Variants in EPB41L4B observed in about 807,000 individuals in gnomAD.
The protein encoded by EPB41L4B is band 4.1-like protein 4B.
A neutral mutation model predicts 112.5 loss-of-function variants in EPB41L4B; 30 were observed. The ratio of observed to expected loss-of-function variants is 0.27; its 90% confidence interval spans 0.20 to 0.36. The LOEUF (loss-of-function observed/expected upper bound fraction) is 0.36, where lower values mean the gene tolerates loss of function less well. Ranked by LOEUF, EPB41L4B falls within the 10% of genes least tolerant of loss-of-function variation. EPB41L4B has a pLI of 1.00. For missense variants in EPB41L4B, 1,024 were observed against 1,133.3 expected (o/e 0.90, Z 1.38); for synonymous variants, 408 against 439.7 (o/e 0.93, Z 0.90).
intron 15 of EPB41L4B, among the ~76,000 whole-genome samples, chr9:109,218,821 C>G (rs527282332): frequency 6.6e-6 from 1 of 152,162 alleles, no homozygotes; most frequent in Non-Finnish European, 1.5e-5. Context: ...GATAAAGATC[C>G]CTTCCTCTTA....
chr9:109,224,086 G>T (rs1833683238), intron 15 of EPB41L4B, among the ~76,000 whole-genome samples: 1 of 152,066 alleles, frequency 6.6e-6, no homozygotes, highest in Non-Finnish European at 1.5e-5. Flanking sequence ...CCTATACACT[G>T]CTGGAGAAAA....
At chr9:109,260,495 A>G (rs1264251628) in intron 6 of EPB41L4B, among the ~76,000 whole-genome samples, 1 of 146,764 alleles carries the variant, frequency 6.8e-6, no homozygotes, top group Non-Finnish European at 1.5e-5. Flanking sequence ...GCTCACTGCA[A>G]CCTCCGCCTC....
intron 15 of EPB41L4B, among the ~76,000 whole-genome samples, chr9:109,229,919 C>T (rs1833900217): frequency 6.6e-6 from 1 of 152,174 alleles, no homozygotes; most frequent in Non-Finnish European, 1.5e-5. Context: ...AGCCCTGCCA[C>T]TAGTCCATAC....
chr9:109,257,123 G>A (rs1269749126), intron 7 of EPB41L4B, among the ~76,000 whole-genome samples: 1 of 152,172 alleles, frequency 6.6e-6, no homozygotes, highest in African/African-American at 2.4e-5. Flanking sequence ...TGCCATACCC[G>A]CAGACATTTA....
At chr9:109,251,553 T>G (rs762366952) in intron 12 of EPB41L4B, 42 bp from the exon 13 acceptor site, 3 of 1,592,718 alleles carry the variant, frequency 1.9e-6, no homozygotes, top group Non-Finnish European at 2.6e-6. Flanking sequence ...TTAGAGAACT[T>G]TATCGCTTTC....
intron 1 of EPB41L4B, among the ~76,000 whole-genome samples, chr9:109,295,354 C>A (rs1364801161): frequency 6.6e-6 from 1 of 152,144 alleles, no homozygotes; most frequent in African/African-American, 2.4e-5. Context: ...CTGAGGGATA[C>A]AGGATTGATT....
intron 21 of EPB41L4B, among the ~76,000 whole-genome samples, chr9:109,192,614 T>C (rs1184113633): frequency 6.6e-6 from 1 of 152,184 alleles, no homozygotes; most frequent in African/African-American, 2.4e-5. Flanking sequence ...GTGCTCTTAG[T>C]GCTTTTCTAC....
chr9:109,297,981 T>A (rs1836802882), intron 1 of EPB41L4B, among the ~76,000 whole-genome samples: 2 of 152,182 alleles, frequency 1.3e-5, no homozygotes, highest in Admixed American at 1.3e-4. Context: ...TATCCATTCA[T>A]CTGATGGAGG....
At chr9:109,318,150 CGTGTGT>C (rs3983533) in intron 1 of EPB41L4B, among the ~76,000 whole-genome samples, 1,808 of 149,562 alleles carry the variant, frequency 0.012, 18 homozygotes, top group Non-Finnish European at 0.016. Flanking sequence ...GGGGCATATA[CGTGTGT>C]GTGTGTGTGT....
chr9:109,239,832 A>G, intron 15 of EPB41L4B: 3 of 985,468 alleles, frequency 3.0e-6, no homozygotes, highest in Non-Finnish European at 3.6e-6. Context: ...GAAGAGCACA[A>G]GTAGCCAGGA....
chr9:109,262,142 T>A lies in EPB41L4B; in HGVS notation c.631+908A>T, dbSNP rs1835226296. On this transcript the variant is annotated intron_variant, in intron 6 of 25. Transcript: ENST00000374566. ...ATGCTGACAATCATGCAGGCAGACC[T>A]CTTACCATCCAGTTCCCACTCACAT... Among the ~76,000 whole-genome samples the A allele has an allele frequency of 2.0e-5, 3 of 152,104 alleles. 1 individual carries two copies. The South Asian group carries it at 6.2e-4, about 32-fold the overall frequency.
chr9:109,180,531 A>G (rs183831045), intron 24 of EPB41L4B, among the ~76,000 whole-genome samples: 3 of 152,320 alleles, frequency 2.0e-5, no homozygotes, highest in Admixed American at 6.5e-5. Flanking sequence ...TGCTGGAAGC[A>G]GCTCATGACC....
Position 109,276,692 on chromosome 9 carries a change from G to A in EPB41L4B, c.411+3125C>T, listed in dbSNP as rs192588290. Among the ~76,000 whole-genome samples, 8 of 152,290 alleles carry A rather than the reference G, an allele frequency of 5.3e-5. No homozygotes were observed. In the East Asian group the frequency reaches 9.7e-4, roughly 18 times the overall value. On this transcript the variant is annotated intron_variant, in intron 2 of 25. Transcript: ENST00000374566. ...TGCTGCACAGTGACAGGGCACTGGC[G>A]GGCGGGAAAGCCTGCCAGCCAAGTC...
chr9:109,232,951 T>C (rs1399080538), intron 15 of EPB41L4B, among the ~76,000 whole-genome samples: 11 of 152,184 alleles, frequency 7.2e-5, no homozygotes, highest in Non-Finnish European at 1.6e-4. Flanking sequence ...GGCTTAATGG[T>C]TTAATTGCCT....
chr9:109,292,901 G>A (rs1437904778), intron 1 of EPB41L4B, among the ~76,000 whole-genome samples: 1 of 152,162 alleles, frequency 6.6e-6, no homozygotes. Context: ...ACTACCCTGA[G>A]ACTGCCACGT....
chr9:109,252,220 C>T (rs901896638), intron 12 of EPB41L4B, among the ~76,000 whole-genome samples: 2 of 152,164 alleles, frequency 1.3e-5, no homozygotes, highest in Non-Finnish European at 2.9e-5. Flanking sequence ...GGGCTGGGAA[C>T]GCACTGCTAT....
At chr9:109,240,034 C>G (rs1041981728) in intron 15 of EPB41L4B, 3 of 985,250 alleles carry the variant, frequency 3.0e-6, no homozygotes, top group East Asian at 2.3e-4. Flanking sequence ...GCTCCACCCA[C>G]CTAACTGAAT....
intron 6 of EPB41L4B, among the ~76,000 whole-genome samples, chr9:109,260,230 T>G (rs1007440639): frequency 6.6e-6 from 1 of 151,860 alleles, no homozygotes; most frequent in African/African-American, 2.4e-5. Context: ...CCACCATACC[T>G]GGCTAATTTT....
chr9:109,182,829 T>G lies in EPB41L4B; in HGVS notation c.2419-32A>C, dbSNP rs755187917. 194 of 1,501,048 alleles carry G rather than the reference T, an allele frequency of 1.3e-4. 1 individual carries two copies. The East Asian group carries it at 4.1e-3, about 32-fold the overall frequency. 93.0% of individuals were successfully genotyped at this position (1,501,048 alleles called of 1,614,324 possible). ...AAGAGAGAAAGACAAGGGGGTTACC[T>G]TCAGATTAGAAAACAAAGTTTTGCA... On this transcript the variant is annotated intron_variant, in intron 23 of 25. Coordinates refer to ENST00000374566, the MANE Select transcript of EPB41L4B (RefSeq NM_019114.5).
Sources: gnomAD v4.1 joint callset for allele counts (sites outside exome capture counted in the v4.1 genomes callset) on GRCh38, gnomAD v4.1.1 for gene constraint, MANE v1.5 for transcripts, NCBI Gene and HGNC (gene_info 2026-07-23, HGNC 2026-07-21) for gene names.